Variants in TMC7 observed in about 807,000 individuals in gnomAD.
TMC7 encodes the protein transmembrane channel like 7.
A neutral mutation model predicts 82.9 loss-of-function variants in TMC7; 54 were observed. The observed-to-expected ratio is 0.65, with a 90% CI of 0.52 to 0.82. TMC7 has a LOEUF of 0.82. Among genes scored for constraint, TMC7 ranks in the 40% least tolerant of loss-of-function variants. The probability of loss-of-function intolerance (pLI) is 0.00; values close to 1 mark genes in which losing one functional copy is unlikely to be tolerated. For missense variants in TMC7, 820 were observed against 901.2 expected (o/e 0.91, Z 1.15); for synonymous variants, 350 against 337.9 (o/e 1.04, Z -0.39).
chr16:19,058,189 C>T (rs550931274), intron 14 of TMC7, among the ~76,000 whole-genome samples: 6 of 152,044 alleles, frequency 3.9e-5, no homozygotes, highest in South Asian at 4.2e-4. Flanking sequence ...GTCAGGAGTT[C>T]GAGAGCAGCC....
chr16:18,999,306 A>C (rs1378477963), intron 1 of TMC7, among the ~76,000 whole-genome samples: 2 of 152,184 alleles, frequency 1.3e-5, no homozygotes, highest in Non-Finnish European at 2.9e-5. Flanking sequence ...AGCCAGTCAT[A>C]TTTCAATTGC....
chr16:18,992,552 G>T (rs2038971244), intron 1 of TMC7, among the ~76,000 whole-genome samples: 1 of 152,166 alleles, frequency 6.6e-6, no homozygotes, highest in African/African-American at 2.4e-5. Flanking sequence ...TAGGTTGCCT[G>T]TTCACTCTGA....
intron 12 of TMC7, 147 bp downstream of exon 12, chr16:19,047,396 A>T (rs1055722083): frequency 9.0e-5 from 55 of 612,346 alleles, no homozygotes; most frequent in Non-Finnish European, 1.1e-4. Flanking sequence ...CTAGAAAAAT[A>T]TTGCTTTTTT....
At position 19,008,236 on chromosome 16, in the gene TMC7, C is replaced by G. The variant is rs74957794; in HGVS notation, c.68-936C>G. Among the ~76,000 whole-genome samples, 219 of 152,264 alleles carry G rather than the reference C, an allele frequency of 1.4e-3. 2 individuals are homozygous for G. The highest frequency in any genetic ancestry group is 4.8e-3 in the African/African-American group (199 of 41,566). Reference sequence around the variant, plus strand: ...AAAACCCATCTTGAAGGTAGCTTCCCTCCCCTTCAGCAGAAAGCCCGCCTG... The same window carrying G: ...AAAACCCATCTTGAAGGTAGCTTCCGTCCCCTTCAGCAGAAAGCCCGCCTG... On this transcript the variant is annotated intron_variant, in intron 1 of 15. Coordinates refer to ENST00000304381, the MANE Select transcript of TMC7 (RefSeq NM_024847.4).
intron 7 of TMC7, among the ~76,000 whole-genome samples, chr16:19,037,121 G>T (rs1282217073): frequency 6.6e-6 from 1 of 152,120 alleles, no homozygotes; most frequent in Non-Finnish European, 1.5e-5. Context: ...GCTAGGCCAG[G>T]CGCAGTGGTT....
At chr16:19,056,780 A>G in intron 14 of TMC7, 83 bp downstream of exon 14, 3 of 1,452,614 alleles carry the variant, frequency 2.1e-6, no homozygotes, top group Non-Finnish European at 2.8e-6. Context: ...GGGTCACCCT[A>G]GACTTGACAA....
intron 5 of TMC7, among the ~76,000 whole-genome samples, chr16:19,027,480 G>C (rs1461069121): frequency 6.6e-6 from 1 of 152,074 alleles, no homozygotes; most frequent in Non-Finnish European, 1.5e-5. Context: ...GTGAAAGAGG[G>C]CCAGAGAGAT....
At chr16:19,027,061 CTTTTTTTTTTTTT>C (rs35769515) in intron 5 of TMC7, among the ~76,000 whole-genome samples, 5 of 56,564 alleles carry the variant, frequency 8.8e-5, no homozygotes, top group African/African-American at 3.8e-4. Flanking sequence ...CACACCTGAC[CTTTTTTTTTTTTT>C]TTTTTTTTTT....
intron 3 of TMC7, among the ~76,000 whole-genome samples, chr16:19,017,164 A>G (rs1469622761): frequency 6.6e-6 from 1 of 152,090 alleles, no homozygotes; most frequent in Admixed American, 6.6e-5. Flanking sequence ...CAGCCTGGGT[A>G]ACAGAGTGAG....
At chr16:19,040,546 C>T (rs1960966774) in intron 9 of TMC7, 100 bp downstream of exon 9, 3 of 1,132,700 alleles carry the variant, frequency 2.6e-6, no homozygotes, top group Non-Finnish European at 2.5e-6. Flanking sequence ...AGTGCATTTT[C>T]CTGCTGAGCC....
chr16:19,040,402 T>G lies in TMC7; in HGVS notation c.1293T>G (p.Tyr431Ter). Residue 431 changes from tyrosine to a stop codon, truncating the protein, a stop_gained, in exon 9 of 16, where the codon TAT (tyrosine) becomes TAG (stop). Transcript: ENST00000304381. LOFTEE classifies it high-confidence loss of function. The part of the protein sequence containing the change: ...TPMIFAKIIR[Y>*]EDYSPGFEIR... Reference sequence around the variant, plus strand: ...TGATCTTTGCCAAGATCATCCGCTATGAGGATTATTCTCCAGGCTTTGAGA... The same window carrying G: ...TGATCTTTGCCAAGATCATCCGCTAGGAGGATTATTCTCCAGGCTTTGAGA... The G allele has an allele frequency of 2.5e-6, 4 of 1,613,624 alleles. No homozygotes were observed. Among genetic ancestry groups the G allele is most frequent in the Non-Finnish European group, 3.4e-6 (4 of 1,179,974 alleles).
At chr16:19,031,252 G>C (rs371806135) in intron 6 of TMC7, among the ~76,000 whole-genome samples, 1 of 152,172 alleles carries the variant, frequency 6.6e-6, no homozygotes, top group Admixed American at 6.6e-5. Flanking sequence ...CTTCATTCAG[G>C]TTCCCAGCCG....
intron 14 of TMC7, among the ~76,000 whole-genome samples, chr16:19,057,146 A>G (rs1291398434): frequency 1.3e-5 from 2 of 152,088 alleles, no homozygotes; most frequent in African/African-American, 4.8e-5. Context: ...CTCAAAAACA[A>G]ATAAATAAAT....
At chr16:19,028,221 G>A (rs984014568) in intron 5 of TMC7, among the ~76,000 whole-genome samples, 7 of 152,064 alleles carry the variant, frequency 4.6e-5, no homozygotes, top group African/African-American at 1.7e-4. Context: ...TGTTTGAGGT[G>A]TTCAATCATT....
intron 6 of TMC7, among the ~76,000 whole-genome samples, chr16:19,035,051 A>G (rs187316364): frequency 1.1e-3 from 170 of 152,348 alleles, no homozygotes; most frequent in Non-Finnish European, 2.1e-3. Flanking sequence ...AGGACTGGAT[A>G]AAGAAAATGT....
At position 19,009,305 on chromosome 16, in the gene TMC7, A is replaced by C; in HGVS notation, c.201A>C (p.Leu67=). Reference sequence around the variant, plus strand: ...GGGACAAGCAAAGCGGAACTTTGCTAAAGCCAACCGACTCTTACAGCTCCC... The same window carrying C: ...GGGACAAGCAAAGCGGAACTTTGCTCAAGCCAACCGACTCTTACAGCTCCC... The part of the protein sequence containing the change: ...HSRDKQSGTL[L]KPTDSYSSQL... The change falls in exon 2 of 16, where the codon CTA becomes CTC. Residue 67 remains leucine (L), a synonymous_variant. Coordinates refer to ENST00000304381, the MANE Select transcript of TMC7 (RefSeq NM_024847.4). 1.2e-6 allele frequency: 2 copies of C among 1,614,210 alleles called. No individual in the cohort carries two copies.
Position 19,062,039 on chromosome 16 carries a change from G to A in TMC7, c.*196G>A, listed in dbSNP as rs1962031911. 2.3e-6 allele frequency: 1 copy of A among 429,788 alleles called. No homozygotes were observed. The highest frequency in any genetic ancestry group is 2.0e-5 in the African/African-American group (1 of 49,404). The allele number at this position is 429,788 out of a possible 1,614,324, so 26.6% of individuals were successfully genotyped here. ...GGGCTTCAGTGACTTAGAAAAGCAG[G>A]GGAAACCCAAGGCTTTGCCTGCAGA... On this transcript the variant is annotated 3_prime_UTR_variant, in exon 16 of 16. Transcript: ENST00000304381.
intron 1 of TMC7, among the ~76,000 whole-genome samples, chr16:19,008,339 G>A (rs1035156362): frequency 6.6e-6 from 1 of 152,208 alleles, no homozygotes; most frequent in Non-Finnish European, 1.5e-5. Flanking sequence ...GGGTTTTGGA[G>A]TCAGCCCTGG....
At chr16:19,042,275 A>G (rs889975999) in intron 9 of TMC7, among the ~76,000 whole-genome samples, 7 of 151,698 alleles carry the variant, frequency 4.6e-5, no homozygotes, top group Non-Finnish European at 8.8e-5. Context: ...CCTGGGCCCA[A>G]GTGACCCTCC....
Sources: gnomAD v4.1 joint callset for allele counts (sites outside exome capture counted in the v4.1 genomes callset) on GRCh38, gnomAD v4.1.1 for gene constraint, MANE v1.5 for transcripts, NCBI Gene and HGNC (gene_info 2026-07-23, HGNC 2026-07-21) for gene names.